The following NCK1 variants were observed in gnomAD, a reference collection of about 807,000 sequenced individuals.
The protein encoded by NCK1 is SH2/SH3 adapter protein NCK1.
In NCK1, 19 loss-of-function variants were observed where a neutral mutation model predicts 36.6. The ratio of observed to expected loss-of-function variants is 0.52; its 90% CI spans 0.36 to 0.76. The LOEUF (loss-of-function observed/expected upper bound fraction) is 0.76, where lower values mean the gene tolerates loss of function less well. NCK1 is among the 30% of genes least tolerant of loss of function. The pLI is 0.00. For synonymous variants in NCK1, 165 were observed against 156.0 expected (o/e 1.06, Z -0.43); for missense variants, 358 against 445.6 (o/e 0.80, Z 1.77).
At chr3:136,886,707 T>G (rs2108083301) in intron 1 of NCK1, among the ~76,000 whole-genome samples, 1 of 152,316 alleles carries the variant, frequency 6.6e-6, no homozygotes, top group East Asian at 1.9e-4. Flanking sequence ...GAAACTTTCT[T>G]GTATGCCTTT....
intron 1 of NCK1, among the ~76,000 whole-genome samples, chr3:136,920,133 A>G (rs9879531): frequency 0.17 from 26,494 of 152,192 alleles, 2,827 homozygotes; most frequent in Non-Finnish European, 0.24. Flanking sequence ...AGTAATTTTA[A>G]TTGGTAAATA....
chr3:136,885,155 A>G (rs1327104759), intron 1 of NCK1, among the ~76,000 whole-genome samples: 2 of 152,222 alleles, frequency 1.3e-5, no homozygotes, highest in African/African-American at 4.8e-5. Flanking sequence ...TTTTGCTTCA[A>G]AATACTTAAG....
chr3:136,867,181 TTTCTTTC>T (rs879471583), intron 1 of NCK1, among the ~76,000 whole-genome samples: 27,434 of 57,508 alleles, frequency 0.48, 6,517 homozygotes, highest in East Asian at 0.77. Flanking sequence ...TCCTTCCTTC[TTTCTTTC>T]TTTTCTTTCT....
At chr3:136,925,811 A>C (rs1339897249) in intron 1 of NCK1, among the ~76,000 whole-genome samples, 1 of 152,224 alleles carries the variant, frequency 6.6e-6, no homozygotes, top group Non-Finnish European at 1.5e-5. Context: ...TTCATGTAAA[A>C]TGTGAACATA....
chr3:136,929,106 A>G (rs1339150439), intron 2 of NCK1, among the ~76,000 whole-genome samples: 1 of 152,014 alleles, frequency 6.6e-6, no homozygotes, highest in Non-Finnish European at 1.5e-5. Flanking sequence ...TTTATTTTTT[A>G]TGGTTTTGTA....
At chr3:136,897,674 G>C (rs1454686207) in intron 1 of NCK1, among the ~76,000 whole-genome samples, 1 of 152,092 alleles carries the variant, frequency 6.6e-6, no homozygotes, top group Non-Finnish European at 1.5e-5. Context: ...TCAGCAGATT[G>C]TCTCTTCACC....
At chr3:136,924,065 C>A in intron 1 of NCK1, among the ~76,000 whole-genome samples, 1 of 152,180 alleles carries the variant, frequency 6.6e-6, no homozygotes, top group East Asian at 1.9e-4. Flanking sequence ...CAGTGATCAT[C>A]AGTGGCAGGT....
intron 1 of NCK1, among the ~76,000 whole-genome samples, chr3:136,865,201 C>T (rs980238932): frequency 2.6e-5 from 4 of 152,050 alleles, no homozygotes; most frequent in Admixed American, 2.6e-4. Flanking sequence ...CGTGATCCAC[C>T]TGCCTCGGCC....
intron 1 of NCK1, among the ~76,000 whole-genome samples, chr3:136,926,359 C>T (rs1039259320): frequency 6.6e-6 from 1 of 152,068 alleles, no homozygotes; most frequent in East Asian, 1.9e-4. Context: ...ACTGCAAGCC[C>T]CGCCTCCCGG....
intron 2 of NCK1, among the ~76,000 whole-genome samples, chr3:136,945,191 C>T (rs948709807): frequency 4.6e-5 from 7 of 152,112 alleles, no homozygotes; most frequent in African/African-American, 1.7e-4. Flanking sequence ...ATCTAGCTTG[C>T]TTAAACTAAG....
intron 1 of NCK1, among the ~76,000 whole-genome samples, chr3:136,889,898 C>T (rs1939188511): frequency 6.6e-6 from 1 of 152,224 alleles, no homozygotes; most frequent in Admixed American, 6.5e-5. Flanking sequence ...CATAAAGATT[C>T]TCCAAGGCCC....
chr3:136,884,920 C>G (rs977471900), intron 1 of NCK1, among the ~76,000 whole-genome samples: 1 of 151,874 alleles, frequency 6.6e-6, no homozygotes, highest in Non-Finnish European at 1.5e-5. Flanking sequence ...GGTTTTTCAC[C>G]ACGTTGGTCA....
chr3:136,902,031 A>G (rs1038781391), intron 1 of NCK1, among the ~76,000 whole-genome samples: 1 of 151,910 alleles, frequency 6.6e-6, no homozygotes, highest in South Asian at 2.1e-4. Context: ...GCTGTATCTC[A>G]TAGATTTTCG....
At chr3:136,904,512 A>G (rs1269579018) in intron 1 of NCK1, among the ~76,000 whole-genome samples, 2 of 152,218 alleles carry the variant, frequency 1.3e-5, no homozygotes, top group Non-Finnish European at 2.9e-5. Flanking sequence ...GTTTCTGCTG[A>G]GAATTCCACT....
intron 1 of NCK1, among the ~76,000 whole-genome samples, chr3:136,910,356 T>G (rs1181881232): frequency 3.3e-5 from 5 of 152,232 alleles, no homozygotes; most frequent in Non-Finnish European, 5.9e-5. Context: ...CCCTTTTGGT[T>G]ATTTTATGCA....
At chr3:136,890,690 A>G (rs1374802771) in intron 1 of NCK1, among the ~76,000 whole-genome samples, 2 of 152,252 alleles carry the variant, frequency 1.3e-5, no homozygotes, top group Non-Finnish European at 2.9e-5. Context: ...TAATATGGCT[A>G]CTGGCATTCA....
At chr3:136,878,389 A>T (rs1205024801) in intron 1 of NCK1, among the ~76,000 whole-genome samples, 1 of 152,214 alleles carries the variant, frequency 6.6e-6, no homozygotes, top group Non-Finnish European at 1.5e-5. Flanking sequence ...AGCCAGGGCG[A>T]CAGAGTGGGA....
intron 2 of NCK1, among the ~76,000 whole-genome samples, chr3:136,929,421 T>C (rs1940336279): frequency 6.6e-6 from 1 of 152,192 alleles, no homozygotes; most frequent in African/African-American, 2.4e-5. Context: ...GTTCTAAAGG[T>C]AATTAAGTAG....
intron 1 of NCK1, among the ~76,000 whole-genome samples, chr3:136,920,807 C>T (rs1207429627): frequency 6.6e-6 from 1 of 152,106 alleles, no homozygotes; most frequent in Non-Finnish European, 1.5e-5. Flanking sequence ...ATAATTAACA[C>T]AGCAAACATG....
Sources: allele counts gnomAD v4.1 joint callset (sites outside exome capture counted in the v4.1 genomes callset), GRCh38; gene constraint gnomAD v4.1.1; transcripts MANE v1.5; gene names NCBI Gene and HGNC (gene_info 2026-07-23, HGNC 2026-07-21).